The following MTMR10 variants were observed in gnomAD, a reference collection of about 807,000 sequenced individuals.
The protein encoded by MTMR10 is myotubularin related protein 10.
In MTMR10, 56 loss-of-function variants were observed where a neutral mutation model predicts 88.1. That is an observed-to-expected ratio of 0.64 (90% CI 0.51 to 0.79). The LOEUF is 0.79. MTMR10 is among the 30% of genes least tolerant of loss of function. MTMR10 has a pLI of 0.00. For missense variants in MTMR10, 883 were observed against 924.7 expected (o/e 0.95, Z 0.58); for synonymous variants, 380 against 340.9 (o/e 1.11, Z -1.26).
At chr15:30,929,182 C>G in the MTMR10 span, 1 of 1,606,712 alleles carries the variant, frequency 6.2e-7, no homozygotes, top group Non-Finnish European at 8.5e-7. Flanking sequence ...AGTATGACAG[C>G]TTGCTTTCCC....
At chr15:30,952,162 T>C in intron 11 of MTMR10, 124 bp from the exon 12 acceptor site, 1 of 832,138 alleles carries the variant, frequency 1.2e-6, no homozygotes, top group Non-Finnish European at 1.9e-6. Flanking sequence ...GATATTCCCA[T>C]AACTCATGAC....
At chr15:30,926,728 A>C in the MTMR10 span, 14 of 985,478 alleles carry the variant, frequency 1.4e-5, no homozygotes, top group Non-Finnish European at 1.4e-5. Context: ...AGAGACGTGG[A>C]AACTGGACAC....
chr15:30,964,353 T>G (rs1378866662), intron 6 of MTMR10, among the ~76,000 whole-genome samples: 3 of 152,258 alleles, frequency 2.0e-5, no homozygotes, highest in Non-Finnish European at 4.4e-5. Context: ...TTTATGAGAT[T>G]GTTTCTCTGG....
chr15:30,929,553 T>C, the MTMR10 span, among the ~76,000 whole-genome samples: 1 of 113,896 alleles, frequency 8.8e-6, no homozygotes, highest in Non-Finnish European at 1.9e-5. Flanking sequence ...ATATATAAAA[T>C]ATATATTATA....
At position 30,968,193 on chromosome 15, in the gene MTMR10, T is replaced by C. The variant is rs182750033; in HGVS notation, c.475-183A>G. The C allele has an allele frequency of 1.9e-3, 828 of 441,396 alleles. 5 individuals carry two copies. The highest frequency in any genetic ancestry group is 8.6e-3 in the Middle Eastern group (15 of 1,738). The allele number at this position is 441,396 out of a possible 1,614,324, so 27.3% of individuals were successfully genotyped here. A position where few individuals can be genotyped will look rare whatever the true frequency, so the allele number is the denominator to read the frequency against. On this transcript the variant is annotated intron_variant, in intron 5 of 15. Coordinates refer to ENST00000435680, the MANE Select transcript of MTMR10 (RefSeq NM_017762.3). ...AGGCCAGGTATCTCATTCACTTTCA[T>C]GCCCTCAAGACATTGTTTATCTTTA... is the stretch of plus-strand genomic sequence containing the variant.
intron 14 of MTMR10, 22 bp from the exon 15 acceptor site, chr15:30,943,094 A>C (rs2063107092): frequency 3.9e-6 from 6 of 1,528,752 alleles, no homozygotes; most frequent in Middle Eastern, 1.7e-4. Context: ...ATAAATAAAT[A>C]TTTGCAAAAC....
At chr15:30,921,834 C>T in the MTMR10 span, among the ~76,000 whole-genome samples, 1 of 152,212 alleles carries the variant, frequency 6.6e-6, no homozygotes, top group Non-Finnish European at 1.5e-5. Flanking sequence ...TTCCTGCCCA[C>T]CCCAAATCCC....
chr15:30,974,916 C>G lies in MTMR10; in HGVS notation c.331+15G>C, dbSNP rs7177299. The G allele has an allele frequency of 6.7e-7, 1 of 1,492,690 alleles. No homozygotes were observed. The highest frequency in any genetic ancestry group is 9.1e-7 in the Non-Finnish European group (1 of 1,101,450). The allele number at this position is 1,492,690 out of a possible 1,614,324, so 92.5% of individuals were successfully genotyped here. A position where few individuals can be genotyped will look rare whatever the true frequency, so the allele number is the denominator to read the frequency against. ...GTGGAATTGACTTTTAGAGTATGTA[C>G]GGAATACTACGTACCTGTGACAATT... On this transcript the variant is annotated intron_variant, in intron 4 of 15. Transcript: ENST00000435680.
the MTMR10 span, among the ~76,000 whole-genome samples, chr15:30,931,896 A>G: frequency 1.3e-5 from 2 of 150,762 alleles, no homozygotes; most frequent in African/African-American, 4.9e-5. Context: ...TATTTGAATT[A>G]TAACATCAAA....
At chr15:30,928,875 C>T in the MTMR10 span, 95 of 773,628 alleles carry the variant, frequency 1.2e-4, no homozygotes, top group Non-Finnish European at 1.4e-4. Flanking sequence ...CTCCACCTTA[C>T]ATTTAGACCT....
intron 13 of MTMR10, among the ~76,000 whole-genome samples, chr15:30,947,989 AT>A (rs2063195265): frequency 6.6e-6 from 1 of 152,230 alleles, no homozygotes; most frequent in Non-Finnish European, 1.5e-5. Flanking sequence ...AAAATATGAT[AT>A]TCCAAAAGTG....
At chr15:30,991,366 C>T in intron 1 of MTMR10, 81 bp downstream of exon 1, 2 of 1,320,778 alleles carry the variant, frequency 1.5e-6, no homozygotes, top group Non-Finnish European at 2.0e-6. Context: ...CTCCTGGGGT[C>T]CTCCAGTTCC....
At chr15:30,926,934 A>C in the MTMR10 span, 1 of 985,056 alleles carries the variant, frequency 1.0e-6, no homozygotes, top group East Asian at 1.1e-4. Flanking sequence ...AGCGATCTCA[A>C]CCTCTTCTGG....
chr15:30,978,192 C>T (rs1358952435), intron 2 of MTMR10, among the ~76,000 whole-genome samples: 1 of 152,214 alleles, frequency 6.6e-6, no homozygotes, highest in Non-Finnish European at 1.5e-5. Flanking sequence ...TTTACATTCA[C>T]ATATCGAAGC....
At chr15:30,957,536 G>A (rs1384463763) in intron 9 of MTMR10, among the ~76,000 whole-genome samples, 2 of 152,062 alleles carry the variant, frequency 1.3e-5, no homozygotes, top group East Asian at 1.9e-4. Flanking sequence ...CAGCCTGGCC[G>A]ACATGGTGAA....
rs2063023795 is a variant in MTMR10, at chr15:30,940,906, C to CAA, written c.*562_*563dup. On this transcript the variant is annotated 3_prime_UTR_variant, in exon 16 of 16. Coordinates refer to ENST00000435680, the MANE Select transcript of MTMR10 (RefSeq NM_017762.3). ...AAAGTTGACCCTATGAAGTTAAAAG[C>CAA]AAACTCATGATTTCAAAACACAGTG... 9.7e-7 allele frequency: 1 copy of CAA among 1,029,338 alleles called. No individual in the cohort carries two copies. The highest frequency in any genetic ancestry group is 1.7e-5 in the African/African-American group (1 of 57,794). The allele number at this position is 1,029,338 out of a possible 1,614,324, so 63.8% of individuals were successfully genotyped here.
At chr15:30,951,873 C>T in intron 12 of MTMR10, 95 bp downstream of exon 12, 2 of 1,070,130 alleles carry the variant, frequency 1.9e-6, no homozygotes, top group Non-Finnish European at 2.9e-6. Flanking sequence ...TAAGAAATAG[C>T]TAAAACTGAT....
At chr15:30,973,913 T>C (rs1234813716) in intron 5 of MTMR10, among the ~76,000 whole-genome samples, 1 of 152,214 alleles carries the variant, frequency 6.6e-6, no homozygotes, top group Non-Finnish European at 1.5e-5. Flanking sequence ...ACCTAAATCT[T>C]ATGTAACATA....
chr15:30,959,763 G>A (rs1449483149), intron 7 of MTMR10, among the ~76,000 whole-genome samples: 1 of 152,220 alleles, frequency 6.6e-6, no homozygotes, highest in Non-Finnish European at 1.5e-5. Context: ...AACTGTACTA[G>A]AAGTTCCTGG....
Sources: gnomAD v4.1 joint callset for allele counts (sites outside exome capture counted in the v4.1 genomes callset) on GRCh38, gnomAD v4.1.1 for gene constraint, MANE v1.5 for transcripts, NCBI Gene and HGNC (gene_info 2026-07-23, HGNC 2026-07-21) for gene names.